CTIF: variants seen among roughly 807,000 people sequenced by gnomAD.
The protein encoded by CTIF is cap binding complex dependent translation initiation factor.
Under a neutral mutation model 66.0 loss-of-function variants are expected in CTIF, and 21 were observed. That is an observed-to-expected ratio of 0.32 (90% CI 0.23 to 0.46). CTIF has a LOEUF of 0.46. Among genes scored for constraint, CTIF ranks in the 20% least tolerant of loss-of-function variants. The pLI, the probability that CTIF is intolerant of heterozygous loss-of-function variation, is 1.00. For missense variants in CTIF, 739 were observed against 812.7 expected (o/e 0.91, Z 1.10); for synonymous variants, 345 against 326.4 (o/e 1.06, Z -0.62).
At chr18:48,735,910 G>T (rs967175618) in intron 7 of CTIF, among the ~76,000 whole-genome samples, 3 of 152,242 alleles carry the variant, frequency 2.0e-5, no homozygotes, top group Middle Eastern at 3.4e-3. Flanking sequence ...CTTGGGGAGG[G>T]CTGGGCTGGT....
At chr18:48,821,901 A>G (rs1168368713) in intron 10 of CTIF, among the ~76,000 whole-genome samples, 1 of 152,236 alleles carries the variant, frequency 6.6e-6, no homozygotes, top group East Asian at 1.9e-4. Flanking sequence ...TATTGTATCC[A>G]TAGCCATAAT....
At chr18:48,721,756 C>A (rs532577534) in intron 7 of CTIF, among the ~76,000 whole-genome samples, 15 of 151,596 alleles carry the variant, frequency 9.9e-5, no homozygotes, top group South Asian at 6.2e-4. Flanking sequence ...TGCATCCCCC[C>A]CTCTCTGTCC....
intron 9 of CTIF, among the ~76,000 whole-genome samples, chr18:48,783,987 T>G (rs1911483544): frequency 6.6e-6 from 1 of 152,248 alleles, no homozygotes; most frequent in Non-Finnish European, 1.5e-5. Context: ...TTGCTCCATG[T>G]GCACTCTAGT....
At chr18:48,663,402 C>G (rs1165167107) in intron 3 of CTIF, among the ~76,000 whole-genome samples, 1 of 152,086 alleles carries the variant, frequency 6.6e-6, no homozygotes, top group Non-Finnish European at 1.5e-5. Context: ...TCTGCAGAGC[C>G]CCTCCCTGGG....
intron 7 of CTIF, among the ~76,000 whole-genome samples, chr18:48,736,629 A>G (rs888547703): frequency 3.9e-5 from 6 of 152,224 alleles, no homozygotes; most frequent in Non-Finnish European, 1.5e-5. Context: ...GGAAAAACAT[A>G]TAGAATGGGT....
chr18:48,730,966 C>T (rs1007157335), intron 7 of CTIF, among the ~76,000 whole-genome samples: 1 of 152,076 alleles, frequency 6.6e-6, no homozygotes, highest in Non-Finnish European at 1.5e-5. Flanking sequence ...GAAACTCTCC[C>T]AGCCCAGAGA....
chr18:48,619,473 A>G, intron 1 of CTIF, 65 bp from the exon 2 acceptor site: 1 of 1,039,456 alleles, frequency 9.6e-7, no homozygotes, highest in Non-Finnish European at 1.3e-6. Flanking sequence ...GGTGTTTCTC[A>G]GGTGTGGGCA....
At chr18:48,576,978 T>C (rs1170093531) in intron 1 of CTIF, among the ~76,000 whole-genome samples, 2 of 152,240 alleles carry the variant, frequency 1.3e-5, no homozygotes, top group Non-Finnish European at 2.9e-5. Context: ...TTGCAAGTCG[T>C]GGCCTCCATT....
intron 7 of CTIF, among the ~76,000 whole-genome samples, chr18:48,749,973 G>A (rs760874949): frequency 6.6e-6 from 1 of 152,226 alleles, no homozygotes; most frequent in Non-Finnish European, 1.5e-5. Flanking sequence ...GGAGCCTGGC[G>A]ACTCCCCAGG....
intron 10 of CTIF, among the ~76,000 whole-genome samples, chr18:48,818,121 C>T (rs528965513): frequency 5.3e-4 from 81 of 152,342 alleles, no homozygotes; most frequent in African/African-American, 1.9e-3. Context: ...AGGAATTTAG[C>T]AGGTGGTTGC....
At chr18:48,611,007 G>A (rs2090298257) in intron 1 of CTIF, among the ~76,000 whole-genome samples, 1 of 152,194 alleles carries the variant, frequency 6.6e-6, no homozygotes, top group South Asian at 2.1e-4. Flanking sequence ...GGGAAGGAAG[G>A]TGACTCTCAG....
intron 1 of CTIF, among the ~76,000 whole-genome samples, chr18:48,551,465 C>G (rs1470202817): frequency 2.0e-5 from 3 of 152,120 alleles, no homozygotes; most frequent in Non-Finnish European, 4.4e-5. Flanking sequence ...ATTTCTGTTG[C>G]TTTCAGCCAC....
intron 1 of CTIF, among the ~76,000 whole-genome samples, chr18:48,595,141 C>T (rs1476642291): frequency 6.6e-6 from 1 of 152,226 alleles, no homozygotes; most frequent in Non-Finnish European, 1.5e-5. Flanking sequence ...AGCCTGGCCA[C>T]CCAAGGGATG....
chr18:48,793,184 C>CT (rs2067831291), intron 9 of CTIF, among the ~76,000 whole-genome samples: 1 of 152,158 alleles, frequency 6.6e-6, no homozygotes, highest in Non-Finnish European at 1.5e-5. Context: ...CCCTTGCAGG[C>CT]TAGCACAAGG....
At chr18:48,759,728 G>A (rs905670331) in intron 8 of CTIF, among the ~76,000 whole-genome samples, 1 of 152,254 alleles carries the variant, frequency 6.6e-6, no homozygotes, top group African/African-American at 2.4e-5. Context: ...GTTCTTGTGG[G>A]TATTCCTATT....
chr18:48,663,305 G>C (rs995336106), intron 3 of CTIF, among the ~76,000 whole-genome samples: 138 of 152,318 alleles, frequency 9.1e-4, no homozygotes, highest in African/African-American at 3.2e-3. Flanking sequence ...CCAGTTGCTG[G>C]TGTAGCCTTG....
At chr18:48,672,035 T>C (rs1274610226) in intron 6 of CTIF, among the ~76,000 whole-genome samples, 1 of 115,442 alleles carries the variant, frequency 8.7e-6, no homozygotes, top group Non-Finnish European at 1.7e-5. Flanking sequence ...TAGGAAATTC[T>C]GATTATCAGC....
Position 48,663,885 on chromosome 18 carries a change from T to C in CTIF, c.326+60T>C, listed in dbSNP as rs2091389646. The stretch of plus-strand genomic sequence containing the variant: ...GGTCCAGCCGGGGAAACTGGCTTCC[T>C]TGGGGACGGAATGAACGCTGATGGT... On this transcript the variant is annotated intron_variant, in intron 4 of 11. Transcript: ENST00000256413. 10 of 1,467,376 alleles carry C rather than the reference T, an allele frequency of 6.8e-6. No individual in the cohort carries two copies. In the South Asian group the frequency reaches 1.0e-4, roughly 15 times the overall value. The allele number at this position is 1,467,376 out of a possible 1,614,324, so 90.9% of individuals were successfully genotyped here.
chr18:48,781,710 T>A (rs571109323), intron 9 of CTIF, among the ~76,000 whole-genome samples: 41 of 152,004 alleles, frequency 2.7e-4, no homozygotes, highest in African/African-American at 9.9e-4. Context: ...CTCCCCCTTG[T>A]CAAACAGTAG....
Sources: gnomAD v4.1 joint callset for allele counts (sites outside exome capture counted in the v4.1 genomes callset) on GRCh38, gnomAD v4.1.1 for gene constraint, MANE v1.5 for transcripts, NCBI Gene and HGNC (gene_info 2026-07-23, HGNC 2026-07-21) for gene names.